PCDHGA4: variants seen among roughly 807,000 people sequenced by gnomAD.
PCDHGA4 encodes the protein protocadherin gamma-A4.
In PCDHGA4, 38 loss-of-function variants were observed where a neutral mutation model predicts 54.6. That is an observed-to-expected ratio of 0.70 (90% CI 0.54 to 0.91). PCDHGA4 has a LOEUF of 0.91. PCDHGA4 is among the 40% of genes least tolerant of loss of function. The probability of loss-of-function intolerance (pLI) is 0.00; values close to 1 mark genes in which losing one functional copy is unlikely to be tolerated. For missense variants in PCDHGA4, 1,298 were observed against 1,220.9 expected (o/e 1.06, Z -0.94); for synonymous variants, 511 against 512.9 (o/e 1.00, Z 0.05).
Position 141,422,179 on chromosome 5 carries a change from A to G in PCDHGA4, c.2514+64558A>G, listed in dbSNP as rs757086661. The G allele has an allele frequency of 2.0e-5, 32 of 1,562,402 alleles. No homozygotes were observed. Among genetic ancestry groups the G allele is most frequent in the Non-Finnish European group, 2.6e-5 (30 of 1,159,048 alleles). ...TTTTGAAAAATATAGATTCTATGAG[A>G]TGGAAATTCAAGGCCAAGATGGTGG... is the stretch of plus-strand genomic sequence containing the variant. On this transcript the variant is annotated intron_variant, in intron 1 of 3. Coordinates refer to ENST00000571252, the MANE Select transcript of PCDHGA4 (RefSeq NM_018917.4).
At chr5:141,504,378 C>T (rs2099837786) in intron 2 of PCDHGA4, among the ~76,000 whole-genome samples, 1 of 152,052 alleles carries the variant, frequency 6.6e-6, no homozygotes, top group Non-Finnish European at 1.5e-5. Flanking sequence ...CAGGTGGAGT[C>T]GCTGCCTCAC....
At position 141,480,148 on chromosome 5, in the gene PCDHGA4, G is replaced by C. The variant is rs139861128; in HGVS notation, c.2515-14659G>C. On this transcript the variant is annotated intron_variant, in intron 1 of 3. Transcript: ENST00000571252. ...ATAACTGTTAAACAATTATTAGCCA[G>C]CTCCTAGCATTTTGGGAGGCTGAGG... 9.2e-4 allele frequency among the ~76,000 whole-genome samples: 140 copies of C among 152,036 alleles called. 1 individual carries two copies. The highest frequency in any genetic ancestry group is 3.1e-3 in the African/African-American group (127 of 41,470).
intron 1 of PCDHGA4, among the ~76,000 whole-genome samples, chr5:141,458,829 C>T (rs2098954599): frequency 6.6e-6 from 1 of 152,108 alleles, no homozygotes; most frequent in Non-Finnish European, 1.5e-5. Context: ...GCCTCCCAGG[C>T]TCAAGTGATC....
chr5:141,437,892 C>A (rs2097916583), intron 1 of PCDHGA4, among the ~76,000 whole-genome samples: 2 of 152,116 alleles, frequency 1.3e-5, no homozygotes, highest in Admixed American at 1.3e-4. Context: ...CACACGCCAC[C>A]ACACCCAGCT....
chr5:141,464,144 A>G (rs1305530394), intron 1 of PCDHGA4, among the ~76,000 whole-genome samples: 1 of 152,030 alleles, frequency 6.6e-6, no homozygotes, highest in South Asian at 2.1e-4. Context: ...GGGCGCCTGT[A>G]GTCCCAGCTA....
intron 1 of PCDHGA4, chr5:141,385,402 T>A: frequency 6.7e-7 from 1 of 1,488,784 alleles, no homozygotes; most frequent in Non-Finnish European, 8.9e-7. Context: ...AACAAATGTT[T>A]TGAAAATAGG....
At chr5:141,360,280 A>T (rs1761513313) in intron 1 of PCDHGA4, 1 of 1,613,856 alleles carries the variant, frequency 6.2e-7, no homozygotes, top group African/African-American at 1.3e-5. Context: ...GGTCGTAGGA[A>T]ACCTCGCCAA....
Position 141,365,565 on chromosome 5 carries a change from G to A in PCDHGA4, c.2514+7944G>A, listed in dbSNP as rs140294664. The A allele has an allele frequency of 1.9e-6, 3 of 1,613,720 alleles. No individual in the cohort carries two copies. The Admixed American group carries it at 5.0e-5, about 27-fold the overall frequency. On this transcript the variant is annotated intron_variant, in intron 1 of 3. Transcript: ENST00000571252. ...CTATTAACAACTAGGGACCTGGACA[G>A]AGAAGAGACTTCAGATTATAATATC...
chr5:141,366,383 G>A, intron 1 of PCDHGA4: 1 of 1,614,130 alleles, frequency 6.2e-7, no homozygotes, highest in Non-Finnish European at 8.5e-7. Flanking sequence ...CATTGACCCT[G>A]AGGATCTGGA....
intron 1 of PCDHGA4, chr5:141,417,840 A>G (rs2096168680): frequency 2.0e-6 from 3 of 1,536,422 alleles, no homozygotes; most frequent in African/African-American, 2.8e-5. Context: ...GCGGGGACCC[A>G]GCGAGAACCC....
At chr5:141,461,131 T>G (rs1372557827) in intron 1 of PCDHGA4, among the ~76,000 whole-genome samples, 1 of 152,094 alleles carries the variant, frequency 6.6e-6, no homozygotes, top group Non-Finnish European at 1.5e-5. Flanking sequence ...TATAATTACT[T>G]ATTTTCCTTT....
Position 141,477,665 on chromosome 5 carries a change from G to T in PCDHGA4, c.2515-17142G>T, listed in dbSNP as rs753814499. ...CTATTTCACAATAAATCGTGACAAT[G>T]GCATAGTGTCATCCTTAGTGCCCCT... is the stretch of plus-strand genomic sequence containing the variant. On this transcript the variant is annotated intron_variant, in intron 1 of 3. Coordinates refer to ENST00000571252, the MANE Select transcript of PCDHGA4 (RefSeq NM_018917.4). The surrounding 1 kb of genome is among the most constrained non-coding windows in gnomAD (Gnocchi z 4.9). 6.2e-7 allele frequency: 1 copy of T among 1,614,182 alleles called. No individual in the cohort carries two copies. The highest frequency in any genetic ancestry group is 8.5e-7 in the Non-Finnish European group (1 of 1,180,038).
At chr5:141,473,401 T>G (rs1285517100) in intron 1 of PCDHGA4, among the ~76,000 whole-genome samples, 3 of 152,222 alleles carry the variant, frequency 2.0e-5, no homozygotes. Context: ...GCTTCTTTTT[T>G]TCTTCTTCAG....
chr5:141,413,690 A>T lies in PCDHGA4; in HGVS notation c.2514+56069A>T, dbSNP rs553462819. On this transcript the variant is annotated intron_variant, in intron 1 of 3. Transcript: ENST00000571252. ...CCGGATGTGGGCGTGAACTCCCTGC[A>T]GAGCTATCAGCTCAGCCCCAATAAG... 9.9e-6 allele frequency: 16 copies of T among 1,613,702 alleles called. No individual in the cohort carries two copies. The East Asian group carries it at 2.9e-4, about 29-fold the overall frequency.
chr5:141,433,221 A>G, intron 1 of PCDHGA4: 1 of 1,475,672 alleles, frequency 6.8e-7, no homozygotes, highest in African/African-American at 1.4e-5. Context: ...TTTTTTTTTT[A>G]ATTGCTCTGT....
intron 1 of PCDHGA4, chr5:141,390,312 C>A: frequency 1.2e-6 from 2 of 1,612,028 alleles, no homozygotes; most frequent in South Asian, 2.2e-5. Flanking sequence ...ATTTAATGCT[C>A]ATTGCCTACC....
chr5:141,441,665 A>C (rs994092543), intron 1 of PCDHGA4: 10 of 265,838 alleles, frequency 3.8e-5, no homozygotes, highest in African/African-American at 2.1e-4. Context: ...CCTTGAGCGC[A>C]CAGTGCGCCT....
At chr5:141,410,683 A>G (rs775289402) in intron 1 of PCDHGA4, 2 of 1,528,162 alleles carry the variant, frequency 1.3e-6, no homozygotes. Flanking sequence ...TATTTTAGGC[A>G]TACTACTTTA....
chr5:141,360,762 A>G (rs917082893), intron 1 of PCDHGA4: 1 of 1,613,952 alleles, frequency 6.2e-7, no homozygotes, highest in Non-Finnish European at 8.5e-7. Context: ...GTTTACATCA[A>G]TTGGTCCTCA....
Sources: allele counts gnomAD v4.1 joint callset (sites outside exome capture counted in the v4.1 genomes callset), GRCh38; gene constraint gnomAD v4.1.1; non-coding constraint Gnocchi (gnomAD v3.1); transcripts MANE v1.5; gene names NCBI Gene and HGNC (gene_info 2026-07-23, HGNC 2026-07-21).